TSHZ1: variants seen among roughly 807,000 people sequenced by gnomAD.
The protein encoded by TSHZ1 is teashirt zinc finger homeobox 1.
TSHZ1 carries 12 observed loss-of-function variants against 67.1 expected under a neutral mutation model. The observed-to-expected ratio is 0.18, with a 90% CI of 0.11 to 0.29. TSHZ1 has a LOEUF of 0.29. Ranked by LOEUF, TSHZ1 falls within the 10% of genes least tolerant of loss-of-function variation. TSHZ1 has a pLI of 1.00. For synonymous variants in TSHZ1, 632 were observed against 622.4 expected, an observed-to-expected ratio of 1.02 and a Z score of -0.23; for missense variants, 1,305 against 1,413.9, an observed-to-expected ratio of 0.92 and a Z score of 1.23.
At chr18:75,249,018 G>A (rs1328109336) in intron 1 of TSHZ1, among the ~76,000 whole-genome samples, 1 of 152,180 alleles carries the variant, frequency 6.6e-6, no homozygotes, top group Non-Finnish European at 1.5e-5. Flanking sequence ...ACCCTGGGGT[G>A]GAGAGGCTTG....
At chr18:75,226,651 T>A (rs1224875075) in intron 1 of TSHZ1, among the ~76,000 whole-genome samples, 2 of 150,634 alleles carry the variant, frequency 1.3e-5, no homozygotes, top group Non-Finnish European at 3.0e-5. Flanking sequence ...ACAGACACAC[T>A]CGATGCCAAA....
At chr18:75,277,180 A>G (rs2023623724) in intron 1 of TSHZ1, among the ~76,000 whole-genome samples, 1 of 152,074 alleles carries the variant, frequency 6.6e-6, no homozygotes, top group South Asian at 2.1e-4. Flanking sequence ...TCGGAGCACC[A>G]TCTACACAAC....
intron 1 of TSHZ1, among the ~76,000 whole-genome samples, chr18:75,255,797 G>T (rs1427013640): frequency 2.0e-5 from 3 of 152,170 alleles, no homozygotes; most frequent in Non-Finnish European, 2.9e-5. Context: ...ATAACAAATA[G>T]ACCACGTTTC....
intron 1 of TSHZ1, among the ~76,000 whole-genome samples, chr18:75,220,573 G>A (rs915116645): frequency 2.0e-5 from 3 of 152,136 alleles, no homozygotes; most frequent in Non-Finnish European, 4.4e-5. Context: ...TTTAATTAGG[G>A]TTAAACTGTT....
chr18:75,252,491 G>C (rs1448519253), intron 1 of TSHZ1, among the ~76,000 whole-genome samples: 1 of 152,028 alleles, frequency 6.6e-6, no homozygotes, highest in African/African-American at 2.4e-5. Context: ...CATAGTTTCT[G>C]CTTTTAAAGT....
chr18:75,267,939 A>G (rs186845610), intron 1 of TSHZ1, among the ~76,000 whole-genome samples: 1 of 152,312 alleles, frequency 6.6e-6, no homozygotes, highest in African/African-American at 2.4e-5. Context: ...CAGCTTCCTT[A>G]AGAAGAAGTG....
chr18:75,222,409 T>A lies in TSHZ1; in HGVS notation c.40+10493T>A, dbSNP rs78963984. 2.5e-3 allele frequency among the ~76,000 whole-genome samples: 386 copies of A among 152,190 alleles called. 2 individuals are homozygous for A. Among genetic ancestry groups the A allele is most frequent in the Non-Finnish European group, 2.0e-3 (135 of 67,998 alleles). On this transcript the variant is annotated intron_variant, in intron 1 of 1. Transcript: ENST00000580243. ...TTCGATAACTGGAAAAATTAGTGTCTCAAAAGCTTTCAAGGAGAACTAACT... is the reference window on the plus strand; with the variant it reads ...TTCGATAACTGGAAAAATTAGTGTCACAAAAGCTTTCAAGGAGAACTAACT...
In TSHZ1 at chr18:75,213,350, C is replaced by G. The variant is rs141758648; in HGVS notation, c.40+1434C>G. Among the ~76,000 whole-genome samples the G allele has an allele frequency of 7.4e-3, 1,130 of 152,258 alleles. 8 individuals carry two copies. Among genetic ancestry groups the G allele is most frequent in the Admixed American group, 9.4e-3 (144 of 15,298 alleles). On this transcript the variant is annotated intron_variant, in intron 1 of 1. Transcript: ENST00000580243. Reference sequence around the variant, plus strand: ...AACTTTGAGTAATGGAGGAAGAAACCTTTCAAAGAGAGTATCTATGCCACT... The same window carrying G: ...AACTTTGAGTAATGGAGGAAGAAACGTTTCAAAGAGAGTATCTATGCCACT...
chr18:75,278,057 G>T (rs1379016147), intron 1 of TSHZ1, among the ~76,000 whole-genome samples: 1 of 151,956 alleles, frequency 6.6e-6, no homozygotes. Flanking sequence ...TGGGTGGGGG[G>T]ATCTGTTCTA....
At chr18:75,279,747 TA>T in intron 1 of TSHZ1, among the ~76,000 whole-genome samples, 1 of 152,306 alleles carries the variant, frequency 6.6e-6, no homozygotes, top group East Asian at 1.9e-4. Context: ...TAAAACACAG[TA>T]ACAATTAATA....
At chr18:75,237,303 C>T (rs931279885) in intron 1 of TSHZ1, among the ~76,000 whole-genome samples, 9 of 152,112 alleles carry the variant, frequency 5.9e-5, no homozygotes, top group African/African-American at 2.2e-4. Flanking sequence ...GGGTGGGTCA[C>T]TTGAGGTCAG....
intron 1 of TSHZ1, among the ~76,000 whole-genome samples, chr18:75,266,936 T>C (rs1020321637): frequency 6.6e-6 from 1 of 152,232 alleles, no homozygotes; most frequent in South Asian, 2.1e-4. Flanking sequence ...GGAAAAAAGA[T>C]GTGGTTGCAG....
intron 1 of TSHZ1, among the ~76,000 whole-genome samples, chr18:75,235,617 T>C (rs1451300174): frequency 6.6e-6 from 1 of 152,208 alleles, no homozygotes. Flanking sequence ...CTTAAGGTAA[T>C]GGAGCTCACG....
chr18:75,280,804 AG>A, intron 1 of TSHZ1: 1 of 985,466 alleles, frequency 1.0e-6, no homozygotes, highest in Non-Finnish European at 1.2e-6. Context: ...CTCTATGAGG[AG>A]GACAGACAGG....
At position 75,281,288 on chromosome 18, in the gene TSHZ1, C is replaced by T. The variant is rs143049099; in HGVS notation, c.41-4160C>T. ...TGAGGATGGCGCTGCTTTTCTGCCT[C>T]GGATACTCTCGTTTGGGGTTATTCG... On this transcript the variant is annotated intron_variant, in intron 1 of 1. Coordinates refer to ENST00000580243, the MANE Select transcript of TSHZ1 (RefSeq NM_001308210.2). The surrounding 1 kb of genome is among the most constrained non-coding windows in gnomAD (Gnocchi z 5.3). Among the ~76,000 whole-genome samples the T allele has an allele frequency of 4.3e-4, 65 of 152,270 alleles. No individual in the cohort carries two copies. Among genetic ancestry groups the T allele is most frequent in the African/African-American group, 1.3e-3 (56 of 41,540 alleles).
intron 1 of TSHZ1, among the ~76,000 whole-genome samples, chr18:75,261,240 C>A (rs1384997553): frequency 6.6e-6 from 1 of 152,116 alleles, no homozygotes; most frequent in Non-Finnish European, 1.5e-5. Flanking sequence ...AGAACTGTAT[C>A]TCTTAAGAGA....
At chr18:75,264,221 GA>G (rs2023463613) in intron 1 of TSHZ1, among the ~76,000 whole-genome samples, 2 of 152,078 alleles carry the variant, frequency 1.3e-5, no homozygotes, top group Non-Finnish European at 2.9e-5. Flanking sequence ...TTTTTGATAT[GA>G]TTATTTTTCC....
chr18:75,268,871 C>G (rs1374139708), intron 1 of TSHZ1, among the ~76,000 whole-genome samples: 1 of 152,224 alleles, frequency 6.6e-6, no homozygotes, highest in Admixed American at 6.5e-5. Context: ...TCTTCTGAGA[C>G]AGGATTTCAG....
chr18:75,277,798 C>G (rs1163941170), intron 1 of TSHZ1, among the ~76,000 whole-genome samples: 2 of 152,190 alleles, frequency 1.3e-5, no homozygotes, highest in Non-Finnish European at 2.9e-5. Flanking sequence ...CAGCAGCTGA[C>G]AAGCACACAG....
Sources: gnomAD v4.1 joint callset for allele counts (sites outside exome capture counted in the v4.1 genomes callset) on GRCh38, gnomAD v4.1.1 for gene constraint, Gnocchi (gnomAD v3.1) non-coding constraint, MANE v1.5 for transcripts, NCBI Gene and HGNC (gene_info 2026-07-23, HGNC 2026-07-21) for gene names.